The following UBE2E2 variants were observed in gnomAD, a reference collection of about 807,000 sequenced individuals.
UBE2E2 encodes ubiquitin-conjugating enzyme E2 E2.
In UBE2E2, 6 loss-of-function variants were observed where a neutral mutation model predicts 24.7. The ratio of observed to expected loss-of-function variants is 0.24; its 90% CI spans 0.13 to 0.48. The LOEUF is 0.48. UBE2E2 is among the 20% of genes least tolerant of loss of function. The pLI is 0.99. For missense variants in UBE2E2, 169 were observed against 245.0 expected (o/e 0.69, Z 2.07); for synonymous variants, 104 against 83.6 (o/e 1.24, Z -1.33).
intron 5 of UBE2E2, among the ~76,000 whole-genome samples, chr3:23,555,680 A>C (rs1435606476): frequency 6.6e-6 from 1 of 152,218 alleles, no homozygotes; most frequent in African/African-American, 2.4e-5. Context: ...ACACACGCAC[A>C]TACACAGAGC....
At chr3:23,378,913 T>G (rs925408712) in intron 3 of UBE2E2, among the ~76,000 whole-genome samples, 25 of 152,234 alleles carry the variant, frequency 1.6e-4, no homozygotes, top group African/African-American at 6.0e-4. Context: ...CTATTTTCTT[T>G]GTCAAATCTC....
At chr3:23,249,474 TC>T (rs1461548173) in intron 3 of UBE2E2, among the ~76,000 whole-genome samples, 3 of 152,116 alleles carry the variant, frequency 2.0e-5, no homozygotes, top group African/African-American at 7.2e-5. Context: ...TAGTATGTTT[TC>T]CAGATACTAA....
At chr3:23,287,669 A>G (rs1415023394) in intron 3 of UBE2E2, among the ~76,000 whole-genome samples, 2 of 151,700 alleles carry the variant, frequency 1.3e-5, no homozygotes, top group Non-Finnish European at 2.9e-5. Context: ...GTGTCTAGGA[A>G]ATCATCTGTT....
intron 3 of UBE2E2, among the ~76,000 whole-genome samples, chr3:23,496,041 A>G (rs1414580528): frequency 6.6e-6 from 1 of 152,194 alleles, no homozygotes; most frequent in Non-Finnish European, 1.5e-5. Context: ...CATAACCACT[A>G]TCATGAATTT....
chr3:23,559,627 T>C (rs1298596718), intron 5 of UBE2E2, among the ~76,000 whole-genome samples: 1 of 152,102 alleles, frequency 6.6e-6, no homozygotes, highest in Non-Finnish European at 1.5e-5. Flanking sequence ...TCCTTTCCTT[T>C]CTTTCTTTCT....
chr3:23,406,532 C>T (rs988721502), intron 3 of UBE2E2, among the ~76,000 whole-genome samples: 10 of 151,966 alleles, frequency 6.6e-5, no homozygotes, highest in Non-Finnish European at 1.5e-4. Context: ...GTTATGTATC[C>T]GCTTGAAACT....
rs1035658197 is a variant in UBE2E2 at position 23,524,873 on chromosome 3, C to CACACAA, written c.361-7676_361-7675insAACACA. 2.0e-5 allele frequency among the ~76,000 whole-genome samples: 3 copies of CACACAA among 147,380 alleles called. No homozygotes were observed. The East Asian group carries it at 5.8e-4, about 29-fold the overall frequency. On this transcript the variant is annotated intron_variant, in intron 4 of 5. Coordinates refer to ENST00000396703, the MANE Select transcript of UBE2E2 (RefSeq NM_152653.4). Reference sequence around the variant, plus strand: ...ATACACACAGACACACAGACACACACACACACACACACACACACACGTGTG... The same window carrying CACACAA: ...ATACACACAGACACACAGACACACACACACAAACACACACACACACACACACGTGTG...
chr3:23,553,799 A>T (rs1410188068), intron 5 of UBE2E2, among the ~76,000 whole-genome samples: 1 of 152,226 alleles, frequency 6.6e-6, no homozygotes, highest in Non-Finnish European at 1.5e-5. Flanking sequence ...CCCATTTATG[A>T]TAGCATTTAA....
intron 3 of UBE2E2, among the ~76,000 whole-genome samples, chr3:23,387,811 G>A (rs1696837251): frequency 6.6e-6 from 1 of 152,134 alleles, no homozygotes; most frequent in African/African-American, 2.4e-5. Flanking sequence ...TGTCTCTGGC[G>A]AATTCCTGTA....
intron 3 of UBE2E2, 31 bp from the exon 4 acceptor site, chr3:23,499,577 A>G (rs759837369): frequency 1.7e-5 from 27 of 1,590,688 alleles, no homozygotes; most frequent in Non-Finnish European, 2.0e-5. Flanking sequence ...TGTAATTTCT[A>G]AGCACATTTC....
At chr3:23,339,993 A>G (rs896668685) in intron 3 of UBE2E2, among the ~76,000 whole-genome samples, 3 of 152,110 alleles carry the variant, frequency 2.0e-5, no homozygotes. Context: ...AAGTCTTTAA[A>G]TATTTGGATA....
rs527371700 is a variant in UBE2E2 at position 23,290,792 on chromosome 3, C to T, written c.227+73480C>T. Reference sequence around the variant, plus strand: ...TTCTGGCCAGGCGTGGTGGCTCTCACCTGTAATCCCAGCAGTTCTGGGGAG... The same window carrying T: ...TTCTGGCCAGGCGTGGTGGCTCTCATCTGTAATCCCAGCAGTTCTGGGGAG... On this transcript the variant is annotated intron_variant, in intron 3 of 5. Coordinates refer to ENST00000396703, the MANE Select transcript of UBE2E2 (RefSeq NM_152653.4). Among the ~76,000 whole-genome samples the T allele has an allele frequency of 2.0e-5, 3 of 150,846 alleles. No homozygotes were observed. In the South Asian group the frequency reaches 6.3e-4, roughly 32 times the overall value.
chr3:23,430,924 G>C (rs996577856), intron 3 of UBE2E2, among the ~76,000 whole-genome samples: 1 of 152,220 alleles, frequency 6.6e-6, no homozygotes, highest in Non-Finnish European at 1.5e-5. Flanking sequence ...GCTTTTGATT[G>C]AGTGGGAGCT....
intron 3 of UBE2E2, among the ~76,000 whole-genome samples, chr3:23,447,933 C>A: frequency 6.6e-6 from 1 of 152,142 alleles, no homozygotes; most frequent in East Asian, 1.9e-4. Flanking sequence ...GTATTCCTTT[C>A]TGCAGGCCAA....
At chr3:23,451,095 G>GT (rs1698551654) in intron 3 of UBE2E2, among the ~76,000 whole-genome samples, 1 of 152,142 alleles carries the variant, frequency 6.6e-6, no homozygotes, top group Non-Finnish European at 1.5e-5. Context: ...TGCAACTATT[G>GT]TAAAACTTTT....
At chr3:23,571,280 C>CTTTTTTTTTTTT (rs59243406) in intron 5 of UBE2E2, among the ~76,000 whole-genome samples, 830 of 29,878 alleles carry the variant, frequency 0.028, 291 homozygotes, top group African/African-American at 0.045. Flanking sequence ...GTGCTCCTTT[C>CTTTTTTTTTTTT]TTTTTTTTTT....
intron 3 of UBE2E2, among the ~76,000 whole-genome samples, chr3:23,418,603 G>A (rs115870060): frequency 2.0e-5 from 3 of 152,344 alleles, no homozygotes; most frequent in African/African-American, 7.2e-5. Context: ...GTATAGAGTT[G>A]TCAGCCAAGA....
chr3:23,395,336 G>A (rs549552127), intron 3 of UBE2E2, among the ~76,000 whole-genome samples: 14 of 152,334 alleles, frequency 9.2e-5, no homozygotes, highest in Admixed American at 2.6e-4. Flanking sequence ...CTGCTTTGCA[G>A]TGAAGGGTAA....
At chr3:23,268,276 G>T (rs1698114893) in intron 3 of UBE2E2, among the ~76,000 whole-genome samples, 1 of 148,988 alleles carries the variant, frequency 6.7e-6, no homozygotes, top group African/African-American at 2.5e-5. Context: ...GTCCCTGTTT[G>T]CAGATGACAT....
Sources: gnomAD v4.1 joint callset for allele counts (sites outside exome capture counted in the v4.1 genomes callset) on GRCh38, gnomAD v4.1.1 for gene constraint, MANE v1.5 for transcripts, NCBI Gene and HGNC (gene_info 2026-07-23, HGNC 2026-07-21) for gene names.